Variants in VPS37C observed in about 807,000 individuals in gnomAD.
The protein encoded by VPS37C is vacuolar protein sorting-associated protein 37C.
A neutral mutation model predicts 16.1 loss-of-function variants in VPS37C; 9 were observed. The observed-to-expected ratio is 0.56, with a 90% CI of 0.34 to 0.97. The LOEUF (loss-of-function observed/expected upper bound fraction) is 0.97. Among genes scored for constraint, VPS37C ranks in the 50% least tolerant of loss-of-function variants. The pLI, the probability that VPS37C is intolerant of heterozygous loss-of-function variation, is 0.02. For synonymous variants in VPS37C, 207 were observed against 206.4 expected (o/e 1.00, Z -0.02); for missense variants, 479 against 472.7 (o/e 1.01, Z -0.12).
chr11:61,153,313 C>T lies in VPS37C; in HGVS notation c.-7+8078G>A, dbSNP rs984333326. ...ATCCTACAGACACTGTCTCACCTGC[C>T]GCCATTAAGACGAACGCACTTCACC... On this transcript the variant is annotated intron_variant, in intron 1 of 4. Coordinates refer to ENST00000301765, the MANE Select transcript of VPS37C (RefSeq NM_017966.5). Among the ~76,000 whole-genome samples, 9 of 152,200 alleles carry T rather than the reference C, an allele frequency of 5.9e-5. No individual in the cohort carries two copies. In the South Asian group the frequency reaches 8.3e-4, roughly 14 times the overall value.
Position 61,132,082 on chromosome 11 carries a change from C to A in VPS37C, c.806G>T (p.Arg269Leu). The change falls in exon 5 of 5, where the codon CGG becomes CTG. Residue 269 changes from arginine to leucine, a missense_variant. Arg to Leu is a moderately radical substitution (Grantham distance 102). Coordinates refer to ENST00000301765, the MANE Select transcript of VPS37C (RefSeq NM_017966.5). The stretch of plus-strand genomic sequence containing the variant: ...CATTGGGGTCCCAGGATAGCCCGGC[C>A]GGGGTGGCATGCTCCTCTGTGGGGA... ...SWSPQRSMPP[R>L]PGYPGTPMGA... is the part of the protein sequence containing the mutation. 2 of 1,398,486 alleles carry A rather than the reference C, an allele frequency of 1.4e-6. No homozygotes were observed. The highest frequency in any genetic ancestry group is 3.4e-5 in the South Asian group (2 of 59,252). 86.6% of individuals were successfully genotyped at this position (1,398,486 alleles called of 1,614,324 possible). A position where few individuals can be genotyped will look rare whatever the true frequency, so the allele number is the denominator to read the frequency against.
intron 3 of VPS37C, 38 bp from the exon 4 acceptor site, chr11:61,133,375 G>C: frequency 6.2e-7 from 1 of 1,604,018 alleles, no homozygotes; most frequent in Non-Finnish European, 8.5e-7. Flanking sequence ...TTTGAAAAGT[G>C]CTTCCTGATT....
At chr11:61,142,857 T>C (rs560329611) in intron 1 of VPS37C, among the ~76,000 whole-genome samples, 6 of 142,242 alleles carry the variant, frequency 4.2e-5, no homozygotes, top group Non-Finnish European at 7.5e-5. Context: ...TAATGCTAGA[T>C]GACGAGTTAG....
At chr11:61,155,767 G>A (rs1853367215) in intron 1 of VPS37C, among the ~76,000 whole-genome samples, 1 of 152,124 alleles carries the variant, frequency 6.6e-6, no homozygotes, top group Middle Eastern at 3.2e-3. Flanking sequence ...AAACAAGATA[G>A]AAATGTGGAT....
chr11:61,134,192 G>A lies in VPS37C; in HGVS notation c.109C>T (p.Leu37=). ...GTGGCCAGTGCCATCTCCCGTTCCA[G>A]CTGTAGGTCCTGGACCTAAAAGGGC... ...LESPEVQDLQ[L]EREMALATNR... is the part of the protein sequence containing the mutation. Residue 37 remains leucine, a synonymous_variant, in exon 3 of 5, where the codon CTG becomes TTG. Coordinates refer to ENST00000301765, the MANE Select transcript of VPS37C (RefSeq NM_017966.5). 6.2e-7 allele frequency: 1 copy of A among 1,613,518 alleles called. No homozygotes were observed. The highest frequency in any genetic ancestry group is 8.5e-7 in the Non-Finnish European group (1 of 1,179,624).
intron 2 of VPS37C, among the ~76,000 whole-genome samples, chr11:61,136,188 C>CA: frequency 8.2e-6 from 1 of 121,624 alleles, no homozygotes; most frequent in South Asian, 2.6e-4. Flanking sequence ...TTTTTTGAGA[C>CA]AGAGTTTCGC....
rs1861425294 is a variant in VPS37C at position 61,138,831 on chromosome 11, C to G, written c.-2G>C. The G allele has an allele frequency of 1.2e-6, 2 of 1,614,010 alleles. No homozygotes were observed. The highest frequency in any genetic ancestry group is 1.7e-5 in the Admixed American group (1 of 60,000). ...GGTCTTATCCTTCAGCGTCTCCATC[C>G]TTCCCTGTGAACACAGTGACACCAA... On this transcript the variant is annotated 5_prime_UTR_variant, in exon 2 of 5. Transcript: ENST00000301765.
At chr11:61,159,592 C>A in intron 1 of VPS37C, among the ~76,000 whole-genome samples, 1 of 151,790 alleles carries the variant, frequency 6.6e-6, no homozygotes, top group East Asian at 1.9e-4. Flanking sequence ...CTCAGGAGTT[C>A]GAGACCAGCC....
Position 61,134,185 on chromosome 11 carries a change from C to T in VPS37C, c.116G>A (p.Arg39Gln), listed in dbSNP as rs748669222. The T allele has an allele frequency of 8.1e-6, 13 of 1,613,716 alleles. No individual in the cohort carries two copies. Among genetic ancestry groups the T allele is most frequent in the Non-Finnish European group, 1.0e-5 (12 of 1,179,748 alleles). ...SPEVQDLQLE[R>Q]EMALATNRSL... ...CCGGTTGGTGGCCAGTGCCATCTCC[C>T]GTTCCAGCTGTAGGTCCTGGACCTA... is the stretch of plus-strand genomic sequence containing the variant. Residue 39 changes from arginine to glutamine, a missense_variant, in exon 3 of 5, where the codon CGG (arginine) becomes CAG (glutamine). Physicochemically the swap from Arg to Gln is conservative, Grantham distance 43. Coordinates refer to ENST00000301765, the MANE Select transcript of VPS37C (RefSeq NM_017966.5).
chr11:61,145,764 A>C (rs955749876), intron 1 of VPS37C, among the ~76,000 whole-genome samples: 1 of 152,202 alleles, frequency 6.6e-6, no homozygotes, highest in Admixed American at 6.5e-5. Context: ...CAGCCACCGC[A>C]TATGTCTCAA....
At chr11:61,159,760 G>A (rs980157687) in intron 1 of VPS37C, among the ~76,000 whole-genome samples, 17 of 150,256 alleles carry the variant, frequency 1.1e-4, no homozygotes, top group Admixed American at 3.3e-4. Flanking sequence ...AAAATTAGCC[G>A]GGCGTGGTGG....
At chr11:61,140,028 C>T (rs1345657523) in intron 1 of VPS37C, among the ~76,000 whole-genome samples, 1 of 152,142 alleles carries the variant, frequency 6.6e-6, no homozygotes, top group Non-Finnish European at 1.5e-5. Flanking sequence ...CAGGTGTGTG[C>T]CACCATGTCC....
chr11:61,146,113 GGA>G lies in VPS37C; in HGVS notation c.-6-7280_-6-7279del, dbSNP rs555629903. ...GCCCAAAAAGTGATGGAGACAGGAA[GGA>G]GAGAACAAGTCACTGAAGACGTGGG... On this transcript the variant is annotated intron_variant, in intron 1 of 4. Coordinates refer to ENST00000301765, the MANE Select transcript of VPS37C (RefSeq NM_017966.5). Among the ~76,000 whole-genome samples, 360 of 152,350 alleles carry G rather than the reference GGA, an allele frequency of 2.4e-3. 2 individuals are homozygous for G. The highest frequency in any genetic ancestry group is 8.0e-3 in the African/African-American group (331 of 41,578).
At chr11:61,156,521 G>A (rs1327108872) in intron 1 of VPS37C, among the ~76,000 whole-genome samples, 1 of 152,072 alleles carries the variant, frequency 6.6e-6, no homozygotes, top group Non-Finnish European at 1.5e-5. Flanking sequence ...GGAGGAGGCA[G>A]TTGCAGTGAG....
At position 61,134,127 on chromosome 11, in the gene VPS37C, AC is replaced by A; in HGVS notation, c.173del (p.Gly58ValfsTer44). The A allele has an allele frequency of 6.2e-7, 1 of 1,613,834 alleles. No individual in the cohort carries two copies. The highest frequency in any genetic ancestry group is 8.5e-7 in the Non-Finnish European group (1 of 1,179,930). ...SLAERNLEFQ[G>X]PLEISRSNLS... ...GGTTTGAGCGGCTGATCTCCAGGGG[AC>A]CCTGGAACTCCAAGTTCCGCTCTGC... is the stretch of plus-strand genomic sequence containing the variant. On this transcript the variant is annotated frameshift_variant, in exon 3 of 5. Transcript: ENST00000301765. LOFTEE classifies it high-confidence loss of function.
intron 3 of VPS37C, 129 bp from the exon 4 acceptor site, chr11:61,133,466 G>T (rs1377773979): frequency 2.2e-6 from 2 of 916,362 alleles, no homozygotes; most frequent in Non-Finnish European, 3.3e-6. Flanking sequence ...GGGTCCTTCT[G>T]GGTGGGCTTG....
At chr11:61,153,499 T>C (rs942433404) in intron 1 of VPS37C, among the ~76,000 whole-genome samples, 2 of 152,214 alleles carry the variant, frequency 1.3e-5, no homozygotes, top group African/African-American at 4.8e-5. Context: ...GAATGCTGAC[T>C]GGACAGGGAC....
chr11:61,138,886 G>A, intron 1 of VPS37C, 51 bp from the exon 2 acceptor site: 1 of 1,548,124 alleles, frequency 6.5e-7, no homozygotes. Flanking sequence ...AAGACGAAGG[G>A]ACCCCCGAGC....
At chr11:61,159,713 CA>C (rs1194981181) in intron 1 of VPS37C, among the ~76,000 whole-genome samples, 2 of 80,108 alleles carry the variant, frequency 2.5e-5, no homozygotes, top group Non-Finnish European at 4.9e-5. Context: ...GACTCCGTCT[CA>C]AAAAAAAATA....
Sources: allele counts gnomAD v4.1 joint callset (sites outside exome capture counted in the v4.1 genomes callset), GRCh38; gene constraint gnomAD v4.1.1; transcripts MANE v1.5; gene names NCBI Gene and HGNC (gene_info 2026-07-23, HGNC 2026-07-21).